TENM1: variants seen among roughly 807,000 people sequenced by gnomAD.
The protein encoded by TENM1 is teneurin-1.
Under a neutral mutation model 174.8 loss-of-function variants are expected in TENM1, and 35 were observed. That is an observed-to-expected ratio of 0.20 (90% CI 0.15 to 0.27). TENM1 has a LOEUF of 0.27. Among genes scored for constraint, TENM1 ranks in the 10% least tolerant of loss-of-function variants. The probability of loss-of-function intolerance (pLI) is 1.00; values close to 1 mark genes in which losing one functional copy is unlikely to be tolerated. For synonymous variants in TENM1, 781 were observed against 798.7 expected, an observed-to-expected ratio of 0.98 and a Z score of 0.37; for missense variants, 1,633 against 2,130.1, an observed-to-expected ratio of 0.77 and a Z score of 4.59.
intron 11 of TENM1, among the ~76,000 whole-genome samples, chrX:124,637,569 T>G (rs1396218971): frequency 9.0e-6 from 1 of 111,554 alleles, no homozygotes; most frequent in African/African-American, 3.3e-5. Flanking sequence ...GCAAGCATGG[T>G]CATGACACTA....
In TENM1 at chrX:124,756,277, C is replaced by T. The variant is rs776308276; in HGVS notation, c.536-19080G>A. Among the ~76,000 whole-genome samples the T allele has an allele frequency of 2.2e-4, 23 of 103,589 alleles. 1 individual carries two copies. The highest frequency in any genetic ancestry group is 4.7e-3 in the Middle Eastern group (1 of 212). The allele number at this position is 103,589 out of a possible 115,157, so 90.0% of individuals were successfully genotyped here. ...ACTGATACCCTTTATTCCAGTTGAT[C>T]GCATCGGCTCCTGAGGCTTCTGCAT... On this transcript the variant is annotated intron_variant, in intron 3 of 31. Coordinates refer to ENST00000422452, the Ensembl canonical transcript of TENM1.
the TENM1 span, among the ~76,000 whole-genome samples, chrX:125,179,993 G>C: frequency 9.9e-6 from 1 of 100,745 alleles, no homozygotes; most frequent in East Asian, 3.1e-4. Context: ...ACCTGGGTGG[G>C]CCCTCTATAT....
intron 5 of TENM1, among the ~76,000 whole-genome samples, chrX:124,693,346 C>A (rs192438064): frequency 9.0e-6 from 1 of 110,953 alleles, no homozygotes; most frequent in African/African-American, 3.3e-5. Context: ...AGTTTTATTT[C>A]ATTGTTTTGT....
At chrX:124,784,968 T>C (rs763893807) in intron 3 of TENM1, among the ~76,000 whole-genome samples, 3 of 111,791 alleles carry the variant, frequency 2.7e-5, no homozygotes, top group Non-Finnish European at 3.8e-5. Context: ...ATTTCTGTTA[T>C]ATACCATCAA....
At chrX:124,538,446 C>T (rs1320049723) in intron 15 of TENM1, among the ~76,000 whole-genome samples, 3 of 111,410 alleles carry the variant, frequency 2.7e-5, no homozygotes, top group African/African-American at 9.8e-5. Flanking sequence ...CAGTGCCTTC[C>T]TTTAGAAAGG....
the TENM1 span, among the ~76,000 whole-genome samples, chrX:125,162,621 G>A: frequency 4.5e-5 from 5 of 111,189 alleles, no homozygotes; most frequent in East Asian, 1.4e-3. Flanking sequence ...ATTTTCATTG[G>A]CTACTCTTCC....
At chrX:125,128,849 TA>T in the TENM1 span, among the ~76,000 whole-genome samples, 1 of 111,843 alleles carries the variant, frequency 8.9e-6, no homozygotes, top group South Asian at 3.7e-4. Context: ...TTATGAACAT[TA>T]TTGTGCTGAT....
chrX:125,021,157 C>CT, the TENM1 span, among the ~76,000 whole-genome samples: 1 of 109,466 alleles, frequency 9.1e-6, no homozygotes, highest in African/African-American at 3.3e-5. Context: ...ATTATGTGAA[C>CT]TTTTTGCGAG....
intron 16 of TENM1, among the ~76,000 whole-genome samples, chrX:124,527,711 C>T (rs1294119417): frequency 9.9e-6 from 1 of 101,161 alleles, no homozygotes; most frequent in African/African-American, 3.6e-5. Flanking sequence ...TAACGTGGCG[C>T]GATCTCGGCT....
chrX:124,528,628 C>G (rs2048033528), intron 16 of TENM1, among the ~76,000 whole-genome samples: 1 of 109,539 alleles, frequency 9.1e-6, no homozygotes, highest in Non-Finnish European at 1.9e-5. Context: ...ATAGAGAACT[C>G]TGATTATAGA....
At chrX:125,128,809 A>G in the TENM1 span, among the ~76,000 whole-genome samples, 1 of 111,624 alleles carries the variant, frequency 9.0e-6, no homozygotes, top group Non-Finnish European at 1.9e-5. Flanking sequence ...AGTAACTGGC[A>G]CACACAAAAA....
chrX:124,833,225 T>A (rs6649290), intron 3 of TENM1, among the ~76,000 whole-genome samples: 1,451 of 111,964 alleles, frequency 0.013, 26 homozygotes, highest in African/African-American at 0.044. Flanking sequence ...GATCTACAAT[T>A]GGTTATCAAA....
chrX:124,835,575 G>A (rs1017488913), intron 3 of TENM1, among the ~76,000 whole-genome samples: 3 of 111,510 alleles, frequency 2.7e-5, no homozygotes, highest in East Asian at 2.8e-4. Context: ...TTGTTACAAC[G>A]TTAGGTTCTA....
At chrX:124,547,522 A>AT (rs1409063520) in intron 14 of TENM1, among the ~76,000 whole-genome samples, 12 of 112,196 alleles carry the variant, frequency 1.1e-4, no homozygotes, top group African/African-American at 3.9e-4. Context: ...CTGAATTTGT[A>AT]TTTTTTTAAA....
chrX:124,581,382 A>G (rs2049305776), intron 11 of TENM1, among the ~76,000 whole-genome samples: 1 of 110,745 alleles, frequency 9.0e-6, no homozygotes, highest in African/African-American at 3.3e-5. Context: ...TTCTTTTTTT[A>G]TGGCTACATA....
At chrX:124,537,407 A>C (rs770795321) in intron 15 of TENM1, among the ~76,000 whole-genome samples, 1 of 111,773 alleles carries the variant, frequency 8.9e-6, no homozygotes, top group Non-Finnish European at 1.9e-5. Context: ...AGGCCCATTT[A>C]AAAAATGAAG....
At chrX:124,408,784 A>G (rs1466789864) in intron 25 of TENM1, among the ~76,000 whole-genome samples, 5 of 101,431 alleles carry the variant, frequency 4.9e-5, no homozygotes, top group Admixed American at 1.1e-4. Flanking sequence ...TCGTCATTTA[A>G]CATTAGGTGT....
intron 1 of TENM1, among the ~76,000 whole-genome samples, chrX:124,960,501 C>T (rs1363452434): frequency 8.9e-6 from 1 of 111,996 alleles, no homozygotes. Flanking sequence ...AGGTCTGACA[C>T]ATATTAATTT....
At chrX:124,693,008 CA>C (rs576815327) in intron 5 of TENM1, among the ~76,000 whole-genome samples, 63 of 33,553 alleles carry the variant, frequency 1.9e-3, no homozygotes, top group South Asian at 0.017. Flanking sequence ...AACTCCATCT[CA>C]AAAAAAAAAA....
Sources: allele counts gnomAD v4.1 joint callset (sites outside exome capture counted in the v4.1 genomes callset), GRCh38; gene constraint gnomAD v4.1.1; transcripts MANE v1.5; gene names NCBI Gene and HGNC (gene_info 2026-07-23, HGNC 2026-07-21).